Variants in CNTNAP2 observed in about 807,000 individuals in gnomAD.
The protein encoded by CNTNAP2 is contactin-associated protein-like 2.
Under a neutral mutation model 155.2 loss-of-function variants are expected in CNTNAP2, and 98 were observed. The ratio of observed to expected loss-of-function variants is 0.63; its 90% CI spans 0.54 to 0.75. CNTNAP2 has a LOEUF of 0.75. Among genes scored for constraint, CNTNAP2 ranks in the 30% least tolerant of loss-of-function variants. CNTNAP2 has a pLI of 0.00. For missense variants in CNTNAP2, 1,727 were observed against 1,688.1 expected (o/e 1.02, Z -0.40); for synonymous variants, 651 against 631.2 (o/e 1.03, Z -0.47).
chr7:147,730,393 T>C, intron 13 of CNTNAP2, among the ~76,000 whole-genome samples: 1 of 152,110 alleles, frequency 6.6e-6, no homozygotes, highest in East Asian at 1.9e-4. Flanking sequence ...TACCTCAGTG[T>C]CACATTTTGA....
chr7:146,633,947 G>A (rs771175413), intron 1 of CNTNAP2, among the ~76,000 whole-genome samples: 1 of 150,484 alleles, frequency 6.6e-6, no homozygotes, highest in Non-Finnish European at 1.5e-5. Flanking sequence ...TTCTCCCTTT[G>A]CTGCCATCTG....
chr7:146,454,322 G>A (rs1004930966), intron 1 of CNTNAP2, among the ~76,000 whole-genome samples: 3 of 152,122 alleles, frequency 2.0e-5, no homozygotes, highest in African/African-American at 7.2e-5. Context: ...TTCTAAGAAG[G>A]TAGGTGACAT....
At chr7:148,254,259 T>C (rs1037808181) in intron 20 of CNTNAP2, among the ~76,000 whole-genome samples, 1 of 152,220 alleles carries the variant, frequency 6.6e-6, no homozygotes, top group South Asian at 2.1e-4. Context: ...ATCCTGGTCG[T>C]AGTTTCATTT....
intron 15 of CNTNAP2, among the ~76,000 whole-genome samples, chr7:148,085,604 A>AT (rs1319336709): frequency 2.0e-5 from 3 of 152,200 alleles, no homozygotes; most frequent in Non-Finnish European, 4.4e-5. Flanking sequence ...TTTTAATCAA[A>AT]TTTTCATTCA....
intron 1 of CNTNAP2, among the ~76,000 whole-genome samples, chr7:146,338,142 G>C (rs1312684549): frequency 1.3e-5 from 2 of 152,094 alleles, no homozygotes; most frequent in African/African-American, 4.8e-5. Flanking sequence ...GAGAAACTGT[G>C]TTTTCTGGGG....
intron 21 of CNTNAP2, among the ~76,000 whole-genome samples, chr7:148,330,493 ATGGATGGATGGAG>A (rs1250061286): frequency 1.1e-4 from 16 of 142,820 alleles, no homozygotes; most frequent in East Asian, 2.2e-4. Flanking sequence ...GATGGAGTGG[ATGGATGGATGGAG>A]TGGATGGATG....
intron 18 of CNTNAP2, among the ~76,000 whole-genome samples, chr7:148,204,868 G>A (rs1157059179): frequency 1.3e-5 from 2 of 152,064 alleles, no homozygotes; most frequent in Non-Finnish European, 2.9e-5. Context: ...GTGTCCTTGA[G>A]TAAACTACTC....
At chr7:148,086,570 G>C (rs1803733116) in intron 15 of CNTNAP2, among the ~76,000 whole-genome samples, 2 of 152,156 alleles carry the variant, frequency 1.3e-5, no homozygotes, top group African/African-American at 2.4e-5. Flanking sequence ...ATTAAAATCA[G>C]TTATAAATGT....
intron 2 of CNTNAP2, among the ~76,000 whole-genome samples, chr7:146,800,640 A>T (rs1404799666): frequency 6.6e-6 from 1 of 152,162 alleles, no homozygotes; most frequent in Non-Finnish European, 1.5e-5. Context: ...GAGCGCCACA[A>T]ATAAGAACTT....
chr7:146,223,155 G>T (rs1799235784), intron 1 of CNTNAP2, among the ~76,000 whole-genome samples: 1 of 152,142 alleles, frequency 6.6e-6, no homozygotes, highest in Non-Finnish European at 1.5e-5. Flanking sequence ...TCATCCTGAG[G>T]TACACAGAAA....
intron 3 of CNTNAP2, among the ~76,000 whole-genome samples, chr7:146,945,726 G>A (rs1169526662): frequency 1.3e-5 from 2 of 152,150 alleles, no homozygotes; most frequent in African/African-American, 4.8e-5. Flanking sequence ...ACTGCATTCA[G>A]CTCCATACTA....
intron 3 of CNTNAP2, among the ~76,000 whole-genome samples, chr7:146,935,502 C>T (rs867236992): frequency 2.6e-5 from 4 of 152,292 alleles, no homozygotes; most frequent in Middle Eastern, 3.4e-3. Context: ...GCCAGGAGGC[C>T]TTCACTCTTC....
intron 9 of CNTNAP2, among the ~76,000 whole-genome samples, chr7:147,377,504 TTC>T (rs761740409): frequency 6.6e-6 from 1 of 151,948 alleles, no homozygotes; most frequent in South Asian, 2.1e-4. Flanking sequence ...CATCTTGTAT[TTC>T]TCTCTTTTCT....
intron 1 of CNTNAP2, among the ~76,000 whole-genome samples, chr7:146,180,742 C>T (rs1798537851): frequency 6.6e-6 from 1 of 152,158 alleles, no homozygotes; most frequent in South Asian, 2.1e-4. Context: ...ATGTAATCTT[C>T]ACCACAGTCT....
chr7:146,199,484 TACTATA>T (rs1440212608), intron 1 of CNTNAP2, among the ~76,000 whole-genome samples: 1 of 152,116 alleles, frequency 6.6e-6, no homozygotes, highest in Non-Finnish European at 1.5e-5. Context: ...TGGGAGTACC[TACTATA>T]ACATACAGAG....
At chr7:147,136,667 A>G (rs758230273) in intron 8 of CNTNAP2, among the ~76,000 whole-genome samples, 2 of 151,872 alleles carry the variant, frequency 1.3e-5, no homozygotes, top group African/African-American at 2.4e-5. Context: ...TCTGTTCTTG[A>G]TTTTATGAAC....
chr7:146,705,123 A>C (rs1800940964), intron 1 of CNTNAP2, among the ~76,000 whole-genome samples: 1 of 152,232 alleles, frequency 6.6e-6, no homozygotes. Context: ...TCCCTTGCTA[A>C]TGCCGTGATG....
chr7:147,155,878 T>A (rs1213929274), intron 8 of CNTNAP2, among the ~76,000 whole-genome samples: 2 of 152,048 alleles, frequency 1.3e-5, no homozygotes, highest in African/African-American at 4.8e-5. Flanking sequence ...GGAGCTTAGA[T>A]CAGACCTCTG....
At chr7:147,664,394 T>C (rs1403465061) in intron 13 of CNTNAP2, among the ~76,000 whole-genome samples, 3 of 152,328 alleles carry the variant, frequency 2.0e-5, no homozygotes, top group African/African-American at 7.2e-5. Context: ...CTGTGAGGTA[T>C]GCAAGGTCTT....
Sources: gnomAD v4.1 joint callset for allele counts (sites outside exome capture counted in the v4.1 genomes callset) on GRCh38, gnomAD v4.1.1 for gene constraint, MANE v1.5 for transcripts, NCBI Gene and HGNC (gene_info 2026-07-23, HGNC 2026-07-21) for gene names.